Variants in KCNT2 observed in about 807,000 individuals in gnomAD.
KCNT2 encodes the protein potassium sodium-activated channel subfamily T member 2, also known as potassium channel subfamily T member 2.
Under a neutral mutation model 153.8 loss-of-function variants are expected in KCNT2, and 67 were observed. That is an observed-to-expected ratio of 0.44 (90% CI 0.36 to 0.53). KCNT2 has a LOEUF of 0.53. Among genes scored for constraint, KCNT2 ranks in the 20% least tolerant of loss-of-function variants. The pLI, the probability that KCNT2 is intolerant of heterozygous loss-of-function variation, is 0.00. For missense variants in KCNT2, 975 were observed against 1,354.8 expected (o/e 0.72, Z 4.40); for synonymous variants, 500 against 458.8 (o/e 1.09, Z -1.15).
intron 7 of KCNT2, among the ~76,000 whole-genome samples, chr1:196,466,135 A>C (rs756844878): frequency 6.6e-6 from 1 of 152,106 alleles, no homozygotes; most frequent in Non-Finnish European, 1.5e-5. Context: ...TAATATTGCA[A>C]AACAGGCTTT....
chr1:196,568,779 GCT>G (rs950224312), intron 1 of KCNT2, among the ~76,000 whole-genome samples: 4 of 15,390 alleles, frequency 2.6e-4, no homozygotes, highest in African/African-American at 3.4e-4. Context: ...TTAATAATGA[GCT>G]TTTTTTTTTT....
At chr1:196,327,373 C>T (rs533291992) in intron 18 of KCNT2, among the ~76,000 whole-genome samples, 3 of 151,358 alleles carry the variant, frequency 2.0e-5, no homozygotes, top group South Asian at 4.2e-4. Flanking sequence ...TGAGCTGGCA[C>T]GATAATGATT....
At chr1:196,405,648 C>T (rs1671769044) in intron 12 of KCNT2, among the ~76,000 whole-genome samples, 1 of 151,434 alleles carries the variant, frequency 6.6e-6, no homozygotes, top group Non-Finnish European at 1.5e-5. Context: ...CTGTCATCTA[C>T]ACGTGATAAA....
intron 12 of KCNT2, among the ~76,000 whole-genome samples, chr1:196,412,152 A>G (rs1572361510): frequency 6.6e-6 from 1 of 151,858 alleles, no homozygotes; most frequent in African/African-American, 2.4e-5. Flanking sequence ...TCAATTTACA[A>G]TGCCTGCCTT....
chr1:196,299,574 T>C (rs1354522674), intron 22 of KCNT2, among the ~76,000 whole-genome samples: 1 of 151,950 alleles, frequency 6.6e-6, no homozygotes, highest in African/African-American at 2.4e-5. Flanking sequence ...ATGCCTATTA[T>C]CAAAGTATCA....
intron 12 of KCNT2, among the ~76,000 whole-genome samples, chr1:196,411,547 T>A (rs923831516): frequency 3.3e-5 from 5 of 151,710 alleles, no homozygotes; most frequent in African/African-American, 1.2e-4. Flanking sequence ...TCCTTCAATT[T>A]CTTGTAACAA....
rs1358832403 is a variant in KCNT2, at chr1:196,352,600, T to C, written c.1404-10372A>G. 1.8e-4 allele frequency among the ~76,000 whole-genome samples: 28 copies of C among 152,172 alleles called. 1 individual carries two copies. ...ATCTATTTGATTCTTCTCTCTTTTTTTCTTTATTAGTCTTGTTAGTGGTCT... is the reference window on the plus strand; with the variant it reads ...ATCTATTTGATTCTTCTCTCTTTTTCTCTTTATTAGTCTTGTTAGTGGTCT... On this transcript the variant is annotated intron_variant, in intron 14 of 27. Coordinates refer to ENST00000294725, the MANE Select transcript of KCNT2 (RefSeq NM_198503.5).
intron 8 of KCNT2, among the ~76,000 whole-genome samples, chr1:196,435,135 G>GTGTGTATATATA (rs747899287): frequency 2.6e-5 from 2 of 76,866 alleles, no homozygotes; most frequent in Non-Finnish European, 5.2e-5. Flanking sequence ...GTGTGTGTGT[G>GTGTGTATATATA]TATGTATATA....
intron 1 of KCNT2, among the ~76,000 whole-genome samples, chr1:196,529,732 A>G (rs915960362): frequency 1.3e-5 from 2 of 152,144 alleles, no homozygotes; most frequent in Admixed American, 1.3e-4. Context: ...ACTGGTTAAC[A>G]TGATTATTTT....
At chr1:196,482,494 C>A in intron 3 of KCNT2, 115 bp from the exon 4 acceptor site, 1 of 509,954 alleles carries the variant, frequency 2.0e-6, no homozygotes, top group South Asian at 4.4e-5. Flanking sequence ...GACAAAATAT[C>A]AAAATCAACA....
chr1:196,568,573 G>T (rs1001605561), intron 1 of KCNT2, among the ~76,000 whole-genome samples: 1 of 149,868 alleles, frequency 6.7e-6, no homozygotes, highest in Non-Finnish European at 1.5e-5. Flanking sequence ...TCCAGCCTGG[G>T]CGACAGGGCT....
At chr1:196,509,174 C>G (rs1245345766) in intron 1 of KCNT2, among the ~76,000 whole-genome samples, 1 of 149,822 alleles carries the variant, frequency 6.7e-6, no homozygotes. Context: ...GAGGCTGAGG[C>G]AGGAGAATCG....
intron 13 of KCNT2, among the ~76,000 whole-genome samples, chr1:196,395,604 C>G (rs140929811): frequency 1.5e-4 from 23 of 151,544 alleles, no homozygotes; most frequent in African/African-American, 5.3e-4. Context: ...CATTTTACAA[C>G]TTGAAAAACT....
chr1:196,507,359 C>T (rs573655504), intron 1 of KCNT2, among the ~76,000 whole-genome samples: 1 of 152,198 alleles, frequency 6.6e-6, no homozygotes, highest in East Asian at 1.9e-4. Flanking sequence ...CTGGACGTGG[C>T]TTTCTATTTT....
chr1:196,503,836 G>A (rs558764612), intron 1 of KCNT2, among the ~76,000 whole-genome samples: 5 of 152,092 alleles, frequency 3.3e-5, no homozygotes, highest in East Asian at 1.9e-4. Flanking sequence ...CCTCCAAATC[G>A]TCTCTTCCAT....
chr1:196,528,921 C>T (rs983058794), intron 1 of KCNT2, among the ~76,000 whole-genome samples: 14 of 152,204 alleles, frequency 9.2e-5, no homozygotes, highest in Middle Eastern at 3.4e-3. Context: ...CCATGCCTTT[C>T]ATGCTTATGA....
chr1:196,586,738 T>G (rs1662732988), intron 1 of KCNT2, among the ~76,000 whole-genome samples: 1 of 151,912 alleles, frequency 6.6e-6, no homozygotes, highest in Non-Finnish European at 1.5e-5. Flanking sequence ...CAACAACAAC[T>G]GTAAGTAGTA....
chr1:196,387,771 CTT>C (rs1670120634), intron 13 of KCNT2, among the ~76,000 whole-genome samples: 1 of 151,760 alleles, frequency 6.6e-6, no homozygotes, highest in Non-Finnish European at 1.5e-5. Context: ...TGTTTGGACT[CTT>C]AAAATTGAAT....
chr1:196,345,213 A>G (rs1286583236), intron 14 of KCNT2, among the ~76,000 whole-genome samples: 1 of 152,202 alleles, frequency 6.6e-6, no homozygotes, highest in East Asian at 1.9e-4. Flanking sequence ...TGTTGTGTTT[A>G]GAGGTGATAA....
Sources: gnomAD v4.1 joint callset for allele counts (sites outside exome capture counted in the v4.1 genomes callset) on GRCh38, gnomAD v4.1.1 for gene constraint, MANE v1.5 for transcripts, NCBI Gene and HGNC (gene_info 2026-07-23, HGNC 2026-07-21) for gene names.